Variants in F13A1 observed in about 807,000 individuals in gnomAD.
F13A1 encodes the protein FSF, A subunit.
A neutral mutation model predicts 80.1 loss-of-function variants in F13A1; 47 were observed. The observed-to-expected ratio is 0.59, with a 90% CI of 0.46 to 0.75. The LOEUF is 0.75. Among genes scored for constraint, F13A1 ranks in the 30% least tolerant of loss-of-function variants. F13A1 has a pLI of 0.00. For synonymous variants in F13A1, 349 were observed against 344.9 expected (o/e 1.01, Z -0.13); for missense variants, 817 against 930.4 (o/e 0.88, Z 1.59).
At chr6:6,172,163 G>GT (rs1235296730) in intron 12 of F13A1, among the ~76,000 whole-genome samples, 3 of 152,176 alleles carry the variant, frequency 2.0e-5, no homozygotes, top group African/African-American at 7.2e-5. Context: ...ACCCCGGGGT[G>GT]TGTGTGCTGT....
intron 3 of F13A1, among the ~76,000 whole-genome samples, chr6:6,296,150 C>T (rs1758323641): frequency 1.3e-5 from 2 of 151,516 alleles, no homozygotes; most frequent in Admixed American, 1.3e-4. Flanking sequence ...TTACTGTAGC[C>T]TTGTAGTATA....
chr6:6,208,748 G>C lies in F13A1; in HGVS notation c.1113-11422C>G, dbSNP rs556991153. Among the ~76,000 whole-genome samples, 11 of 151,992 alleles carry C rather than the reference G, an allele frequency of 7.2e-5. No individual in the cohort carries two copies. The East Asian group carries it at 1.2e-3, about 16-fold the overall frequency. ...ACCATGTACAAGAGATAATCAATAAGATGATTTTAGTTTTCTCTCTTATTC... is the reference window on the plus strand; with the variant it reads ...ACCATGTACAAGAGATAATCAATAACATGATTTTAGTTTTCTCTCTTATTC... On this transcript the variant is annotated intron_variant, in intron 8 of 14. Coordinates refer to ENST00000264870, the MANE Select transcript of F13A1 (RefSeq NM_000129.4).
Position 6,174,821 on chromosome 6 carries a change from T to G in F13A1, c.1506A>C (p.Gly502=). The G allele has an allele frequency of 6.2e-7, 1 of 1,614,174 alleles. No homozygotes were observed. Among genetic ancestry groups the G allele is most frequent in the Non-Finnish European group, 8.5e-7 (1 of 1,180,038 alleles). The change falls in exon 12 of 15, where the codon GGA becomes GGC. Residue 502 remains glycine, a synonymous_variant. Transcript: ENST00000264870. ...RLALETALMY[G]AKKPLNTEGV... The stretch of plus-strand genomic sequence containing the variant: ...CTTCTGTGTTGAGGGGCTTTTTAGC[T>G]CCGTACATCAGGGCAGTTTCTAGGG...
rs144409291 is a variant in F13A1, at chr6:6,182,221, G to T, written c.1306-80C>A. 4.0e-6 allele frequency: 6 copies of T among 1,491,602 alleles called. No individual in the cohort carries two copies. In the East Asian group the frequency reaches 9.0e-5, roughly 22 times the overall value. The allele number at this position is 1,491,602 out of a possible 1,614,324, so 92.4% of individuals were successfully genotyped here. ...GTCTTTAACTGTCCATAGAGCAGTC[G>T]TCTAGAGATCTCTGGAGCTGACATG... On this transcript the variant is annotated intron_variant, in intron 10 of 14. Transcript: ENST00000264870.
intron 3 of F13A1, among the ~76,000 whole-genome samples, chr6:6,298,497 A>G (rs1221423752): frequency 2.7e-5 from 4 of 149,886 alleles, no homozygotes; most frequent in Non-Finnish European, 5.9e-5. Flanking sequence ...CTTTACCATT[A>G]TGTAATGGCC....
intron 3 of F13A1, among the ~76,000 whole-genome samples, chr6:6,301,098 C>T (rs2113176368): frequency 6.6e-6 from 1 of 152,304 alleles, no homozygotes; most frequent in African/African-American, 2.4e-5. Flanking sequence ...TGTCTCTTCT[C>T]ATTATAGCAA....
At chr6:6,161,557 A>G (rs558369343) in intron 13 of F13A1, among the ~76,000 whole-genome samples, 6 of 120,670 alleles carry the variant, frequency 5.0e-5, no homozygotes, top group South Asian at 2.7e-4. Context: ...TGTGTGAGAG[A>G]GAGAGAGAGA....
At chr6:6,284,748 C>T (rs1438575899) in intron 3 of F13A1, among the ~76,000 whole-genome samples, 1 of 152,182 alleles carries the variant, frequency 6.6e-6, no homozygotes, top group Non-Finnish European at 1.5e-5. Flanking sequence ...CCAAGAATGC[C>T]GTCCTCCTTG....
At chr6:6,173,362 A>G (rs1260266569) in intron 12 of F13A1, among the ~76,000 whole-genome samples, 2 of 151,270 alleles carry the variant, frequency 1.3e-5, no homozygotes, top group Non-Finnish European at 2.9e-5. Context: ...ACCTCTTCCT[A>G]GGCCCCTCCT....
intron 6 of F13A1, among the ~76,000 whole-genome samples, chr6:6,241,493 G>T (rs921227032): frequency 6.6e-6 from 1 of 152,118 alleles, no homozygotes; most frequent in Non-Finnish European, 1.5e-5. Context: ...ACATAATCAT[G>T]ATTTGTTTTG....
At chr6:6,228,131 G>A (rs955476665) in intron 6 of F13A1, among the ~76,000 whole-genome samples, 3 of 152,138 alleles carry the variant, frequency 2.0e-5, no homozygotes, top group African/African-American at 7.2e-5. Context: ...TCTTGGTCTT[G>A]AGTCACTGGT....
chr6:6,222,207 C>T (rs752074968), intron 7 of F13A1, 36 bp from the exon 8 acceptor site: 1 of 1,613,420 alleles, frequency 6.2e-7, no homozygotes, highest in Non-Finnish European at 8.5e-7. Flanking sequence ...AAACACATCA[C>T]CAGCATTTAA....
intron 13 of F13A1, among the ~76,000 whole-genome samples, chr6:6,167,078 C>T (rs1268399838): frequency 6.6e-6 from 1 of 152,310 alleles, no homozygotes; most frequent in East Asian, 1.9e-4. Flanking sequence ...ATGTTGCAGG[C>T]AGTTTATCTA....
chr6:6,161,451 G>C (rs1314547399), intron 13 of F13A1, among the ~76,000 whole-genome samples: 1 of 151,914 alleles, frequency 6.6e-6, no homozygotes, highest in East Asian at 1.9e-4. Flanking sequence ...ATATGTGACT[G>C]TACTTAATAG....
rs771765208 is a variant in F13A1 at position 6,195,778 on chromosome 6, C to T, written c.1305+19G>A. On this transcript the variant is annotated intron_variant, in intron 10 of 14. Coordinates refer to ENST00000264870, the MANE Select transcript of F13A1 (RefSeq NM_000129.4). The stretch of plus-strand genomic sequence containing the variant: ...AGGTTGGGGAGAAAAACAGCACTTT[C>T]CTCCAGCTTCCTGCTTACCTCTGCA... The T allele has an allele frequency of 2.5e-6, 4 of 1,610,124 alleles. No homozygotes were observed. Among genetic ancestry groups the T allele is most frequent in the Admixed American group, 1.7e-5 (1 of 59,852 alleles).
chr6:6,268,687 A>T lies in F13A1; in HGVS notation c.320-1878T>A, dbSNP rs565606190. On this transcript the variant is annotated intron_variant, in intron 3 of 14. Transcript: ENST00000264870. ...GTAGGGGCTGGCTGAGGGGGCACTC[A>T]TTTTTTTTTTTTTTTTTTGAGAAGG... 3.1e-4 allele frequency among the ~76,000 whole-genome samples: 43 copies of T among 137,352 alleles called. No homozygotes were observed. In the South Asian group the frequency reaches 6.8e-3, roughly 22 times the overall value. 90.1% of individuals were successfully genotyped at this position (137,352 alleles called of 152,430 possible).
chr6:6,303,291 C>T (rs1306162820), intron 3 of F13A1, among the ~76,000 whole-genome samples: 1 of 152,122 alleles, frequency 6.6e-6, no homozygotes, highest in East Asian at 1.9e-4. Context: ...TTATTTTATA[C>T]AAGTCCAAAA....
intron 6 of F13A1, among the ~76,000 whole-genome samples, chr6:6,247,897 T>C (rs533936303): frequency 6.6e-6 from 1 of 152,380 alleles, no homozygotes; most frequent in South Asian, 2.1e-4. Context: ...CATTCATTTC[T>C]TCACTCTTAC....
At chr6:6,178,385 T>C (rs1349348346) in intron 11 of F13A1, among the ~76,000 whole-genome samples, 1 of 152,120 alleles carries the variant, frequency 6.6e-6, no homozygotes, top group Non-Finnish European at 1.5e-5. Context: ...TCGAGAACAA[T>C]TTCAGAGGGG....
Sources: gnomAD v4.1 joint callset for allele counts (sites outside exome capture counted in the v4.1 genomes callset) on GRCh38, gnomAD v4.1.1 for gene constraint, MANE v1.5 for transcripts, NCBI Gene and HGNC (gene_info 2026-07-23, HGNC 2026-07-21) for gene names.